MOSMO: variants seen among roughly 807,000 people sequenced by gnomAD.
The protein encoded by MOSMO is modulator of smoothened.
Under a neutral mutation model 18.4 loss-of-function variants are expected in MOSMO, and 5 were observed. The observed-to-expected ratio is 0.27, with a 90% CI of 0.14 to 0.57. The LOEUF (loss-of-function observed/expected upper bound fraction) is 0.57, where lower values mean the gene tolerates loss of function less well. Ranked by LOEUF, MOSMO falls within the 20% of genes least tolerant of loss-of-function variation. The pLI, the probability that MOSMO is intolerant of heterozygous loss-of-function variation, is 0.92. For synonymous variants in MOSMO, 82 were observed against 82.3 expected (o/e 1.00, Z 0.02); for missense variants, 138 against 211.8 (o/e 0.65, Z 2.16).
At chr16:22,026,756 G>T (rs1899885169) in intron 1 of MOSMO, among the ~76,000 whole-genome samples, 1 of 152,178 alleles carries the variant, frequency 6.6e-6, no homozygotes, top group African/African-American at 2.4e-5. Flanking sequence ...GTTGTTAAAT[G>T]AACTCTATGT....
chr16:22,092,414 C>A, downstream of MOSMO: 1 of 479,716 alleles, frequency 2.1e-6, no homozygotes, highest in South Asian at 2.4e-5. Flanking sequence ...TGGTTATCAA[C>A]AACACAGCTG....
intron 1 of MOSMO, among the ~76,000 whole-genome samples, chr16:22,062,086 C>G (rs1900655245): frequency 6.6e-6 from 1 of 152,108 alleles, no homozygotes; most frequent in Admixed American, 6.5e-5. Context: ...GTTAAACTTG[C>G]TTTCCTCATA....
chr16:22,024,446 C>T (rs962765458), intron 1 of MOSMO, among the ~76,000 whole-genome samples: 2 of 151,804 alleles, frequency 1.3e-5, no homozygotes, highest in African/African-American at 2.4e-5. Flanking sequence ...CTCACTGCCA[C>T]CTCCACCTCC....
chr16:22,070,010 T>G (rs560420163), intron 1 of MOSMO, among the ~76,000 whole-genome samples: 1 of 152,132 alleles, frequency 6.6e-6, no homozygotes, highest in East Asian at 1.9e-4. Context: ...GAGAAAGGAT[T>G]GTGAGAATGA....
chr16:22,015,364 G>A (rs1268772945), intron 1 of MOSMO, among the ~76,000 whole-genome samples: 1 of 151,948 alleles, frequency 6.6e-6, no homozygotes. Flanking sequence ...ATAGATGCAC[G>A]CTGCCACACC....
intron 1 of MOSMO, among the ~76,000 whole-genome samples, chr16:22,038,761 G>A (rs1900156376): frequency 6.6e-6 from 1 of 152,158 alleles, no homozygotes; most frequent in East Asian, 1.9e-4. Context: ...TGTATTGAGG[G>A]GCTAGTTGGG....
rs1458784146 is a variant in MOSMO, at chr16:22,010,375, G to A, written c.106+1968G>A. On this transcript the variant is annotated intron_variant, in intron 1 of 2. Transcript: ENST00000542527. ...CGGTTACATGTATGACATCCAGTTCGTGACCTGTTGATGTTTTTATCCTAC... is the reference window on the plus strand; with the variant it reads ...CGGTTACATGTATGACATCCAGTTCATGACCTGTTGATGTTTTTATCCTAC... Among the ~76,000 whole-genome samples, 9 of 152,124 alleles carry A rather than the reference G, an allele frequency of 5.9e-5. No individual in the cohort carries two copies. In the South Asian group the frequency reaches 1.0e-3, roughly 18 times the overall value.
At chr16:22,048,795 T>C (rs1313502998) in intron 1 of MOSMO, among the ~76,000 whole-genome samples, 1 of 152,116 alleles carries the variant, frequency 6.6e-6, no homozygotes, top group African/African-American at 2.4e-5. Flanking sequence ...CTTTCTTACA[T>C]TGAAAAGACT....
Position 22,008,334 on chromosome 16 carries a change from C to G in MOSMO, c.33C>G (p.Leu11=), listed in dbSNP as rs1899433943. The change falls in exon 1 of 3, where the codon CTC becomes CTG. Residue 11 remains leucine (L), a synonymous_variant. Transcript: ENST00000542527. ...AACTGACCATCATCTCAGGATGTCT[C>G]TTTCTGGCCGCCGATATCTTCGCCA... MDKLTIISGC[L]FLAADIFAIA... 6.5e-7 allele frequency: 1 copy of G among 1,533,616 alleles called. No homozygotes were observed. Among genetic ancestry groups the G allele is most frequent in the Non-Finnish European group, 8.7e-7 (1 of 1,145,932 alleles).
intron 1 of MOSMO, among the ~76,000 whole-genome samples, chr16:22,068,172 T>A (rs539411476): frequency 3.3e-5 from 5 of 152,338 alleles, no homozygotes; most frequent in African/African-American, 1.2e-4. Flanking sequence ...ATAACTTTTT[T>A]ATTTTAAATC....
chr16:22,057,777 A>C (rs1427946896), intron 1 of MOSMO, among the ~76,000 whole-genome samples: 6 of 152,224 alleles, frequency 3.9e-5, no homozygotes, highest in Non-Finnish European at 8.8e-5. Flanking sequence ...TAACAGGAAG[A>C]ATTTACGAGG....
chr16:22,061,329 C>A (rs1175889788), intron 1 of MOSMO, among the ~76,000 whole-genome samples: 2 of 152,118 alleles, frequency 1.3e-5, no homozygotes, highest in Non-Finnish European at 2.9e-5. Flanking sequence ...TTATCAGAAG[C>A]CTTTTAGGAT....
Position 22,082,199 on chromosome 16 carries a change from A to G in MOSMO, c.*1319A>G, listed in dbSNP as rs938466176. 2 of 152,178 alleles carry G rather than the reference A, an allele frequency of 1.3e-5. No homozygotes were observed. Among genetic ancestry groups the G allele is most frequent in the African/African-American group, 4.8e-5 (2 of 41,450 alleles). 9.4% of individuals were successfully genotyped at this position (152,178 alleles called of 1,614,324 possible). On this transcript the variant is annotated 3_prime_UTR_variant, in exon 3 of 3. Coordinates refer to ENST00000542527, the MANE Select transcript of MOSMO (RefSeq NM_001164579.2). ...TCTTTACCAAAACCTGAGCAATACA[A>G]TATTTTCTTTATATGTTATATGCCT...
intron 1 of MOSMO, among the ~76,000 whole-genome samples, chr16:22,040,921 G>A (rs937769269): frequency 5.9e-5 from 9 of 152,170 alleles, no homozygotes; most frequent in Non-Finnish European, 7.4e-5. Flanking sequence ...CCAAGATCGC[G>A]CTACTGCACT....
At chr16:22,044,118 C>T (rs1218839624) in intron 1 of MOSMO, among the ~76,000 whole-genome samples, 4 of 152,088 alleles carry the variant, frequency 2.6e-5, no homozygotes, top group Non-Finnish European at 5.9e-5. Flanking sequence ...TCAATTATCT[C>T]CCACCAGGTC....
rs372513383 is a variant in MOSMO at position 22,072,692 on chromosome 16, G to A, written c.107-2795G>A. Among the ~76,000 whole-genome samples the A allele has an allele frequency of 6.6e-5, 10 of 151,850 alleles. 1 individual carries two copies. The highest frequency in any genetic ancestry group is 1.2e-4 in the African/African-American group (5 of 41,300). On this transcript the variant is annotated intron_variant, in intron 1 of 2. Coordinates refer to ENST00000542527, the MANE Select transcript of MOSMO (RefSeq NM_001164579.2). ...CCGGGCGTAGTCGTGGGCGCCTGTC[G>A]TCCCAGCAGCTCGGGAGGCTGAGGC...
chr16:22,036,060 C>G (rs1323277167), intron 1 of MOSMO, among the ~76,000 whole-genome samples: 1 of 152,092 alleles, frequency 6.6e-6, no homozygotes, highest in Non-Finnish European at 1.5e-5. Flanking sequence ...CTAGATGTTA[C>G]CTCCAGTACA....
intron 1 of MOSMO, among the ~76,000 whole-genome samples, chr16:22,069,689 A>G (rs1900810815): frequency 6.6e-6 from 1 of 152,202 alleles, no homozygotes; most frequent in Non-Finnish European, 1.5e-5. Context: ...CTCTATCAAA[A>G]TGGTAGTTGG....
intron 1 of MOSMO, among the ~76,000 whole-genome samples, chr16:22,023,812 T>G (rs1305787753): frequency 6.6e-6 from 1 of 152,012 alleles, no homozygotes; most frequent in Non-Finnish European, 1.5e-5. Context: ...TTTTAGAAAA[T>G]CCGTCAACTT....
Sources: gnomAD v4.1 joint callset for allele counts (sites outside exome capture counted in the v4.1 genomes callset) on GRCh38, gnomAD v4.1.1 for gene constraint, MANE v1.5 for transcripts, NCBI Gene and HGNC (gene_info 2026-07-23, HGNC 2026-07-21) for gene names.